ARHGAP17: variants seen among roughly 807,000 people sequenced by gnomAD.
ARHGAP17 encodes the protein Rho GTPase activating protein 17.
ARHGAP17 carries 57 observed loss-of-function variants against 99.5 expected under a neutral mutation model. The ratio of observed to expected loss-of-function variants is 0.57; its 90% CI spans 0.46 to 0.71. The LOEUF (loss-of-function observed/expected upper bound fraction) is 0.71, where lower values mean the gene tolerates loss of function less well. ARHGAP17 is among the 30% of genes least tolerant of loss of function. The pLI is 0.00. For missense variants in ARHGAP17, 1,000 were observed against 1,122.4 expected (o/e 0.89, Z 1.56); for synonymous variants, 417 against 429.6 (o/e 0.97, Z 0.36).
At chr16:24,975,528 T>C (rs1402319350) in intron 3 of ARHGAP17, among the ~76,000 whole-genome samples, 1 of 152,164 alleles carries the variant, frequency 6.6e-6, no homozygotes, top group Non-Finnish European at 1.5e-5. Flanking sequence ...TTGAGGCAAG[T>C]GTGGAAGCAT....
rs1416288257 is a variant in ARHGAP17, at chr16:24,939,553, C to T, written c.1535G>A (p.Gly512Asp). The change falls in exon 17 of 20, where the codon GGC becomes GAC. Residue 512 changes from glycine (G) to aspartate (D), a missense_variant. Transcript: ENST00000289968. ...LMDFQAHRRG[G>D]TLNRKHISPA... ...GGATATGTGCTTTCTATTTAGAGTGCCACCCCGCCGGTGGGCCTGGAAGTC... is the reference window on the plus strand; with the variant it reads ...GGATATGTGCTTTCTATTTAGAGTGTCACCCCGCCGGTGGGCCTGGAAGTC... 2.5e-6 allele frequency: 4 copies of T among 1,606,034 alleles called. No homozygotes were observed. Among genetic ancestry groups the T allele is most frequent in the Non-Finnish European group, 8.5e-7 (1 of 1,177,030 alleles).
intron 1 of ARHGAP17, among the ~76,000 whole-genome samples, chr16:24,997,363 G>C (rs150451470): frequency 2.2e-3 from 332 of 152,246 alleles, no homozygotes; most frequent in African/African-American, 7.8e-3. Flanking sequence ...TTAGCACTTG[G>C]ACTGGTGCAA....
At chr16:24,989,214 G>A (rs2052962858) in intron 1 of ARHGAP17, among the ~76,000 whole-genome samples, 1 of 152,146 alleles carries the variant, frequency 6.6e-6, no homozygotes, top group Admixed American at 6.5e-5. Flanking sequence ...TGCTGGGGAG[G>A]TGCACAGCGT....
At chr16:24,989,064 G>A (rs757867875) in intron 1 of ARHGAP17, among the ~76,000 whole-genome samples, 1 of 152,252 alleles carries the variant, frequency 6.6e-6, no homozygotes, top group Non-Finnish European at 1.5e-5. Context: ...CCAGTTTACT[G>A]CTCTGGTGAG....
At chr16:25,008,180 A>G (rs939684216) in intron 1 of ARHGAP17, among the ~76,000 whole-genome samples, 12 of 152,206 alleles carry the variant, frequency 7.9e-5, no homozygotes, top group Non-Finnish European at 1.0e-4. Flanking sequence ...TGTAATCCAA[A>G]AAGTTCTAAA....
intron 15 of ARHGAP17, among the ~76,000 whole-genome samples, chr16:24,942,682 C>T (rs967571042): frequency 1.3e-5 from 2 of 150,664 alleles, no homozygotes; most frequent in Non-Finnish European, 2.9e-5. Flanking sequence ...GCAGGAGAAT[C>T]GCTTGAACCT....
At chr16:24,927,753 T>G (rs2050879268) in intron 19 of ARHGAP17, 1 of 1,074,702 alleles carries the variant, frequency 9.3e-7, no homozygotes, top group Middle Eastern at 2.6e-4. Context: ...TAATAAAATG[T>G]TTAAATTAGA....
intron 4 of ARHGAP17, 143 bp from the exon 5 acceptor site, chr16:24,968,915 G>A (rs1228236044): frequency 1.0e-5 from 7 of 698,068 alleles, no homozygotes; most frequent in Non-Finnish European, 1.7e-5. Flanking sequence ...TAAATGTAGG[G>A]TACTGCCTAA....
chr16:24,944,655 C>T (rs1046558780), intron 14 of ARHGAP17, among the ~76,000 whole-genome samples: 1 of 152,060 alleles, frequency 6.6e-6, no homozygotes, highest in African/African-American at 2.4e-5. Context: ...CTCGCTCTAT[C>T]GCCCAGGCTG....
At chr16:24,969,089 A>T (rs1380770690) in intron 4 of ARHGAP17, among the ~76,000 whole-genome samples, 2 of 152,236 alleles carry the variant, frequency 1.3e-5, no homozygotes, top group East Asian at 3.8e-4. Flanking sequence ...AATACTCTGA[A>T]GATCTTTTAA....
At chr16:24,980,516 A>G (rs2052643862) in intron 1 of ARHGAP17, among the ~76,000 whole-genome samples, 1 of 152,182 alleles carries the variant, frequency 6.6e-6, no homozygotes, top group Non-Finnish European at 1.5e-5. Context: ...AGGTTCCACC[A>G]GCAACAGGCC....
intron 1 of ARHGAP17, among the ~76,000 whole-genome samples, chr16:24,982,996 A>ATAT (rs1315859010): frequency 2.1e-5 from 1 of 46,978 alleles, no homozygotes; most frequent in East Asian, 4.9e-4. Context: ...ATATATATAT[A>ATAT]TTTTTTTTTT....
intron 19 of ARHGAP17, among the ~76,000 whole-genome samples, chr16:24,924,473 G>A (rs1295511661): frequency 1.4e-5 from 2 of 146,750 alleles, no homozygotes; most frequent in African/African-American, 5.0e-5. Context: ...AATATCTACT[G>A]TATGAACTTA....
chr16:24,964,785 T>C lies in ARHGAP17; in HGVS notation c.462-477A>G, dbSNP rs79732925. On this transcript the variant is annotated intron_variant, in intron 6 of 19. Coordinates refer to ENST00000289968, the MANE Select transcript of ARHGAP17 (RefSeq NM_001006634.3). ...ACTACCATCTGTGACCTGGGATTACTTTCAGAAAGTAAAAGCCAGAACTTC... is the reference window on the plus strand; with the variant it reads ...ACTACCATCTGTGACCTGGGATTACCTTCAGAAAGTAAAAGCCAGAACTTC... Among the ~76,000 whole-genome samples the C allele has an allele frequency of 1.5e-3, 235 of 152,302 alleles. 4 individuals carry two copies. In the East Asian group the frequency reaches 0.029, roughly 19 times the overall value.
intron 6 of ARHGAP17, among the ~76,000 whole-genome samples, chr16:24,965,807 A>G (rs755627058): frequency 1.3e-5 from 2 of 152,232 alleles, no homozygotes; most frequent in Non-Finnish European, 2.9e-5. Context: ...GAACTGTCAT[A>G]AGGAGGAAAA....
chr16:24,938,604 C>T (rs911496803), intron 17 of ARHGAP17, among the ~76,000 whole-genome samples: 13 of 151,614 alleles, frequency 8.6e-5, no homozygotes, highest in Admixed American at 6.6e-4. Flanking sequence ...TTTACCCCAT[C>T]TTTACAAAAA....
intron 7 of ARHGAP17, among the ~76,000 whole-genome samples, chr16:24,960,867 ATTTTGT>A (rs1206680611): frequency 1.3e-5 from 2 of 150,146 alleles, no homozygotes; most frequent in African/African-American, 2.4e-5. Context: ...TCATATTTTT[ATTTTGT>A]TTTTATTTAT....
chr16:24,995,258 G>A (rs1285035868), intron 1 of ARHGAP17, among the ~76,000 whole-genome samples: 1 of 152,182 alleles, frequency 6.6e-6, no homozygotes, highest in East Asian at 1.9e-4. Context: ...CCATTTTAGA[G>A]ATTTAGAAAC....
At chr16:24,922,702 G>A (rs1597348723) in intron 19 of ARHGAP17, among the ~76,000 whole-genome samples, 4 of 152,006 alleles carry the variant, frequency 2.6e-5, no homozygotes, top group Admixed American at 2.0e-4. Flanking sequence ...TTGAGATGGG[G>A]TCTTGCTCTT....
Sources: allele counts gnomAD v4.1 joint callset (sites outside exome capture counted in the v4.1 genomes callset), GRCh38; gene constraint gnomAD v4.1.1; transcripts MANE v1.5; gene names NCBI Gene and HGNC (gene_info 2026-07-23, HGNC 2026-07-21).